NRXN3: variants seen among roughly 807,000 people sequenced by gnomAD.
NRXN3 encodes the protein neurexin 3, also known as neurexin III.
NRXN3 carries 32 observed loss-of-function variants against 137.6 expected under a neutral mutation model. That is an observed-to-expected ratio of 0.23 (90% CI 0.18 to 0.31). The LOEUF (loss-of-function observed/expected upper bound fraction) is 0.31. Ranked by LOEUF, NRXN3 falls within the 10% of genes least tolerant of loss-of-function variation. The pLI, the probability that NRXN3 is intolerant of heterozygous loss-of-function variation, is 1.00. For missense variants in NRXN3, 1,574 were observed against 2,062.5 expected, an observed-to-expected ratio of 0.76 and a Z score of 4.59; for synonymous variants, 798 against 784.5, an observed-to-expected ratio of 1.02 and a Z score of -0.29.
chr14:79,274,220 A>G (rs978770023), intron 15 of NRXN3, among the ~76,000 whole-genome samples: 1 of 151,882 alleles, frequency 6.6e-6, no homozygotes, highest in Non-Finnish European at 1.5e-5. Flanking sequence ...ATCTGAATGC[A>G]CTCTCAAAGT....
intron 8 of NRXN3, among the ~76,000 whole-genome samples, chr14:78,734,251 AC>A: frequency 8.8e-6 from 1 of 113,050 alleles, no homozygotes; most frequent in African/African-American, 3.0e-5. Flanking sequence ...ACACACACAC[AC>A]ACCCTTTTCA....
intron 6 of NRXN3, among the ~76,000 whole-genome samples, chr14:78,705,442 A>T (rs2098336831): frequency 1.3e-5 from 2 of 152,194 alleles, no homozygotes. Context: ...GGAGAGTCCC[A>T]GTTGAGCATC....
At chr14:78,617,096 T>C (rs1194607821) in intron 4 of NRXN3, among the ~76,000 whole-genome samples, 1 of 152,204 alleles carries the variant, frequency 6.6e-6, no homozygotes, top group Non-Finnish European at 1.5e-5. Context: ...GGAAGCAGCT[T>C]GGTTAAAAAA....
chr14:79,764,168 G>C (rs1372188205), intron 19 of NRXN3, among the ~76,000 whole-genome samples: 1 of 149,920 alleles, frequency 6.7e-6, no homozygotes, highest in East Asian at 2.0e-4. Context: ...TGGTGGGTGG[G>C]GGGGGTGTTA....
At chr14:78,789,344 G>T (rs748185100) in intron 8 of NRXN3, among the ~76,000 whole-genome samples, 2 of 152,086 alleles carry the variant, frequency 1.3e-5, no homozygotes, top group African/African-American at 4.8e-5. Context: ...TCAACTGGGG[G>T]TGACTTTTCC....
In NRXN3 at chr14:78,253,434, G is replaced by A. The variant is rs183927574; in HGVS notation, c.709+9632G>A. ...CACGCCTGCAATCCCAGTACTTTGG[G>A]AGGCTGATGATGGAGGATTGCTTGA... On this transcript the variant is annotated intron_variant, in intron 2 of 20. Transcript: ENST00000335750. 1.1e-3 allele frequency among the ~76,000 whole-genome samples: 170 copies of A among 152,240 alleles called. 4 individuals are homozygous for A. Among genetic ancestry groups the A allele is most frequent in the Admixed American group, 0.011 (164 of 15,302 alleles).
At chr14:79,263,732 GA>G (rs1459002138) in intron 15 of NRXN3, among the ~76,000 whole-genome samples, 2 of 151,688 alleles carry the variant, frequency 1.3e-5, no homozygotes, top group African/African-American at 2.4e-5. Context: ...TTTTTTTCCA[GA>G]AAAAAAATGC....
At chr14:78,206,022 T>C (rs2062152278) in intron 1 of NRXN3, among the ~76,000 whole-genome samples, 1 of 152,136 alleles carries the variant, frequency 6.6e-6, no homozygotes, top group Non-Finnish European at 1.5e-5. Context: ...TGGGTGCCAT[T>C]TGATGAGGCC....
chr14:79,325,403 G>A (rs2090704093), intron 15 of NRXN3, among the ~76,000 whole-genome samples: 1 of 152,180 alleles, frequency 6.6e-6, no homozygotes, highest in African/African-American at 2.4e-5. Flanking sequence ...ACTCTTGCTG[G>A]AGGACTGACA....
intron 4 of NRXN3, among the ~76,000 whole-genome samples, chr14:78,524,281 G>A (rs182590903): frequency 1.4e-4 from 22 of 152,274 alleles, no homozygotes; most frequent in African/African-American, 4.8e-4. Context: ...ATATATAAAC[G>A]TGGAGAAAAG....
chr14:79,321,901 A>G (rs1450035111), intron 15 of NRXN3, among the ~76,000 whole-genome samples: 3 of 150,240 alleles, frequency 2.0e-5, no homozygotes, highest in Non-Finnish European at 4.4e-5. Context: ...ACACACACAT[A>G]TATATATGTA....
chr14:79,587,717 A>C (rs1331046301), intron 16 of NRXN3, among the ~76,000 whole-genome samples: 3 of 152,196 alleles, frequency 2.0e-5, no homozygotes, highest in Admixed American at 6.5e-5. Context: ...ACATATGATC[A>C]ATACTTATGT....
intron 20 of NRXN3, among the ~76,000 whole-genome samples, chr14:79,851,736 T>C (rs919609370): frequency 1.3e-5 from 2 of 152,182 alleles, no homozygotes. Context: ...TTGTGATCTC[T>C]TCCAGTGGAG....
chr14:79,722,809 A>AT (rs2098849648), intron 19 of NRXN3, among the ~76,000 whole-genome samples: 1 of 152,156 alleles, frequency 6.6e-6, no homozygotes. Flanking sequence ...CATTCAACAT[A>AT]TTTTTAGATT....
chr14:79,857,839 A>C (rs955031870), intron 20 of NRXN3, among the ~76,000 whole-genome samples: 2 of 152,190 alleles, frequency 1.3e-5, no homozygotes, highest in Non-Finnish European at 2.9e-5. Context: ...AGGGGTTAGG[A>C]AAGCTTCTAC....
chr14:78,786,580 T>C (rs978771718), intron 8 of NRXN3, among the ~76,000 whole-genome samples: 4 of 152,166 alleles, frequency 2.6e-5, no homozygotes, highest in Non-Finnish European at 4.4e-5. Flanking sequence ...GTATGAGTTG[T>C]ATGTAACGTC....
intron 3 of NRXN3, among the ~76,000 whole-genome samples, chr14:78,295,797 C>T (rs1022254047): frequency 6.6e-5 from 10 of 152,040 alleles, no homozygotes; most frequent in South Asian, 6.2e-4. Flanking sequence ...TAAGATAAAG[C>T]GCAATGATAG....
At chr14:79,840,212 A>ATAATGAAGT (rs2099353075) in intron 20 of NRXN3, among the ~76,000 whole-genome samples, 1 of 152,166 alleles carries the variant, frequency 6.6e-6, no homozygotes, top group African/African-American at 2.4e-5. Context: ...AAGAGCAAAC[A>ATAATGAAGT]TAATGAAGTT....
At chr14:79,537,376 G>T (rs2097221777) in intron 16 of NRXN3, among the ~76,000 whole-genome samples, 1 of 151,738 alleles carries the variant, frequency 6.6e-6, no homozygotes, top group African/African-American at 2.4e-5. Context: ...GTGCCATGTT[G>T]GTGTGCTGCA....
Sources: gnomAD v4.1 joint callset for allele counts (sites outside exome capture counted in the v4.1 genomes callset) on GRCh38, gnomAD v4.1.1 for gene constraint, MANE v1.5 for transcripts, NCBI Gene and HGNC (gene_info 2026-07-23, HGNC 2026-07-21) for gene names.